VIPR2: variants seen among roughly 807,000 people sequenced by gnomAD.
VIPR2 encodes vasoactive intestinal polypeptide receptor 2.
Under a neutral mutation model 58.0 loss-of-function variants are expected in VIPR2, and 48 were observed. The observed-to-expected ratio is 0.83, with a 90% confidence interval of 0.66 to 1.05. The LOEUF (loss-of-function observed/expected upper bound fraction) is 1.05, where lower values mean the gene tolerates loss of function less well. Among genes scored for constraint, VIPR2 ranks in the 50% least tolerant of loss-of-function variants. VIPR2 has a pLI of 0.00. For synonymous variants in VIPR2, 243 were observed against 235.2 expected, an observed-to-expected ratio of 1.03 and a Z score of -0.30; for missense variants, 534 against 558.0, an observed-to-expected ratio of 0.96 and a Z score of 0.43.
Position 159,096,988 on chromosome 7 carries a change from T to C in VIPR2, c.357+6769A>G. On this transcript the variant is annotated intron_variant, in intron 4 of 12. Transcript: ENST00000262178. The surrounding 1 kb of genome is among the most constrained non-coding windows in gnomAD (Gnocchi z 5.5). ...GGCCTGAGGACCATGAGGGGAGGCTTCCTTCAGAAAAGCTGCTGCTCTCAG... is the reference window on the plus strand; with the variant it reads ...GGCCTGAGGACCATGAGGGGAGGCTCCCTTCAGAAAAGCTGCTGCTCTCAG... The C allele has an allele frequency of 6.4e-7, 1 of 1,550,602 alleles. No homozygotes were observed. The highest frequency in any genetic ancestry group is 8.7e-7 in the Non-Finnish European group (1 of 1,146,970).
At chr7:159,073,375 T>C (rs1278928262) in intron 4 of VIPR2, among the ~76,000 whole-genome samples, 3 of 152,254 alleles carry the variant, frequency 2.0e-5, no homozygotes, top group African/African-American at 7.2e-5. Flanking sequence ...CATATGTCAA[T>C]GAAAAAAATG....
At chr7:159,036,331 A>G (rs541922524) in intron 7 of VIPR2, among the ~76,000 whole-genome samples, 2 of 152,250 alleles carry the variant, frequency 1.3e-5, no homozygotes, top group South Asian at 2.1e-4. Context: ...CCACGGAGCT[A>G]TCGGCTACGT....
At position 159,031,312 on chromosome 7, in the gene VIPR2, A is replaced by G. The variant is rs1201061533; in HGVS notation, c.1143+516T>C. Among the ~76,000 whole-genome samples the G allele has an allele frequency of 6.7e-6, 1 of 148,778 alleles. No individual in the cohort carries two copies. Among genetic ancestry groups the G allele is most frequent in the East Asian group, 2.1e-4 (1 of 4,826 alleles). On this transcript the variant is annotated intron_variant, in intron 12 of 12. Transcript: ENST00000262178. This position sits in a 1 kb window ranked among gnomAD's most constrained non-coding sequence, Gnocchi z 4.0. ...AAGCAAAGAAAGCGCCAGCAACCGC[A>G]GCGTGGGGCGGGAGGGTCAGGGGTC...
chr7:159,088,686 G>A (rs1283493108), intron 4 of VIPR2, among the ~76,000 whole-genome samples: 1 of 152,274 alleles, frequency 6.6e-6, no homozygotes, highest in African/African-American at 2.4e-5. Flanking sequence ...CTGAGCTGGA[G>A]AGGGAATCAC....
At chr7:159,064,740 C>T (rs1243426411) in intron 4 of VIPR2, among the ~76,000 whole-genome samples, 1 of 152,302 alleles carries the variant, frequency 6.6e-6, no homozygotes, top group South Asian at 2.1e-4. Flanking sequence ...GCTGGCCCGG[C>T]CTTCGCCCCA....
chr7:159,039,026 G>A (rs757780126), intron 6 of VIPR2, among the ~76,000 whole-genome samples: 2 of 152,236 alleles, frequency 1.3e-5, no homozygotes, highest in African/African-American at 4.8e-5. Context: ...GAGCCACAGA[G>A]GCAGTGCCAA....
intron 2 of VIPR2, among the ~76,000 whole-genome samples, chr7:159,137,422 C>T (rs1224281334): frequency 6.6e-6 from 1 of 152,120 alleles, no homozygotes. Context: ...CTGTGTTGTC[C>T]AGGCTGGAGT....
Position 159,144,728 on chromosome 7 carries a change from A to G in VIPR2, c.44T>C (p.Leu15Pro). The G allele has an allele frequency of 7.5e-7, 1 of 1,325,382 alleles. No individual in the cohort carries two copies. The highest frequency in any genetic ancestry group is 1.5e-5 in the African/African-American group (1 of 64,820). 82.1% of individuals were successfully genotyped at this position (1,325,382 alleles called of 1,614,324 possible). Residue 15 changes from leucine to proline, a missense_variant, in exon 1 of 13, where the codon CTC becomes CCC. By Grantham distance (98) the Leu-to-Pro change is moderately conservative (BLOSUM62 -3). Coordinates refer to ENST00000262178, the MANE Select transcript of VIPR2 (RefSeq NM_003382.5). ...GGTCGCGGGCGCACTCACGGGGGCG[A>G]GCAGCCAGCAGGTCAGCAGCGCGGG... ...LPPALLTCWLLAPVNSIHPEC... is the reference protein window; with the variant it reads ...LPPALLTCWLPAPVNSIHPEC...
rs754878327 is a variant in VIPR2 at position 159,036,900 on chromosome 7, C to T, written c.600G>A (p.Val200=). 12 of 1,610,932 alleles carry T rather than the reference C, an allele frequency of 7.4e-6. No homozygotes were observed. The African/African-American group carries it at 1.5e-4, about 20-fold the overall frequency. ...GGAAGACCAGGCTCAGCTTGCAGCC[C>T]ACCTGGAAACCGCAAACAGAGGAGA... ...LHCPDQPSSW[V]GCKLSLVFLQ... The change falls in exon 7 of 13, where the codon GTG becomes GTA. Residue 200 remains valine (V), a splice_region_variant and synonymous_variant. Transcript: ENST00000262178.
chr7:159,121,338 A>G (rs774331462), intron 2 of VIPR2, among the ~76,000 whole-genome samples: 9 of 152,196 alleles, frequency 5.9e-5, no homozygotes, highest in Non-Finnish European at 1.3e-4. Flanking sequence ...CTCCCTTCAC[A>G]GGGGATGGGG....
intron 8 of VIPR2, among the ~76,000 whole-genome samples, chr7:159,035,016 T>C (rs1436056536): frequency 6.6e-6 from 1 of 152,162 alleles, no homozygotes; most frequent in Non-Finnish European, 1.5e-5. Flanking sequence ...CCCGAATGGT[T>C]TGCATGTATA....
intron 6 of VIPR2, among the ~76,000 whole-genome samples, chr7:159,038,758 C>G (rs919089105): frequency 2.6e-5 from 4 of 151,760 alleles, no homozygotes; most frequent in African/African-American, 4.8e-5. Flanking sequence ...GACGGGAAAT[C>G]TGAAATGAAA....
At chr7:159,080,180 A>C (rs1245155530) in intron 4 of VIPR2, among the ~76,000 whole-genome samples, 1 of 152,202 alleles carries the variant, frequency 6.6e-6, no homozygotes, top group African/African-American at 2.4e-5. Flanking sequence ...AGAATTTTAG[A>C]CCAATATCCT....
intron 4 of VIPR2, among the ~76,000 whole-genome samples, chr7:159,076,835 A>AC (rs1228964724): frequency 6.6e-6 from 1 of 152,174 alleles, no homozygotes; most frequent in Non-Finnish European, 1.5e-5. Context: ...AAAAGGATAT[A>AC]CCTTCAGAGT....
At chr7:159,122,379 G>A (rs1208985016) in intron 2 of VIPR2, among the ~76,000 whole-genome samples, 2 of 152,256 alleles carry the variant, frequency 1.3e-5, no homozygotes, top group Non-Finnish European at 2.9e-5. Flanking sequence ...CCAGGGGCAA[G>A]TGTGCTCCCA....
intron 4 of VIPR2, among the ~76,000 whole-genome samples, chr7:159,071,211 T>C (rs907256294): frequency 3.3e-5 from 5 of 152,222 alleles, no homozygotes; most frequent in African/African-American, 1.2e-4. Context: ...CCATCTTCAC[T>C]GTGAGGTGAA....
intron 7 of VIPR2, 144 bp from the exon 8 acceptor site, chr7:159,036,156 T>C (rs1387187185): frequency 9.6e-7 from 1 of 1,040,542 alleles, no homozygotes; most frequent in Non-Finnish European, 1.3e-6. Flanking sequence ...TTTGTAAATA[T>C]TTACAAGTTT....
intron 2 of VIPR2, among the ~76,000 whole-genome samples, chr7:159,113,691 T>C (rs1483338114): frequency 6.6e-6 from 1 of 152,168 alleles, no homozygotes; most frequent in East Asian, 1.9e-4. Flanking sequence ...AAATGCTGGA[T>C]ATTATGTGGC....
At chr7:159,080,477 A>G (rs1400954650) in intron 4 of VIPR2, among the ~76,000 whole-genome samples, 1 of 150,682 alleles carries the variant, frequency 6.6e-6, no homozygotes, top group Non-Finnish European at 1.5e-5. Context: ...TCAAAATAAT[A>G]AGAGCTATCT....
Sources: gnomAD v4.1 joint callset for allele counts (sites outside exome capture counted in the v4.1 genomes callset) on GRCh38, gnomAD v4.1.1 for gene constraint, Gnocchi (gnomAD v3.1) non-coding constraint, MANE v1.5 for transcripts, NCBI Gene and HGNC (gene_info 2026-07-23, HGNC 2026-07-21) for gene names.